The following SRGAP1 variants were observed in gnomAD, a reference collection of about 807,000 sequenced individuals.
The protein encoded by SRGAP1 is SLIT-ROBO Rho GTPase activating protein 1.
Under a neutral mutation model 121.9 loss-of-function variants are expected in SRGAP1, and 43 were observed. The ratio of observed to expected loss-of-function variants is 0.35; its 90% confidence interval spans 0.28 to 0.46. The LOEUF is 0.46. SRGAP1 is among the 20% of genes least tolerant of loss of function. The probability of loss-of-function intolerance (pLI) is 1.00; values close to 1 mark genes in which losing one functional copy is unlikely to be tolerated. For synonymous variants in SRGAP1, 447 were observed against 485.4 expected, an observed-to-expected ratio of 0.92 and a Z score of 1.04; for missense variants, 1,102 against 1,350.9, an observed-to-expected ratio of 0.82 and a Z score of 2.89.
rs1555231949 is a variant in SRGAP1 at position 63,858,202 on chromosome 12, G to GTC, written c.67+13320_67+13321insCT. On this transcript the variant is annotated intron_variant, in intron 1 of 21. Transcript: ENST00000355086. ...GTGTGTGGTGTGTGTGTGTGTGTGT[G>GTC]TGTCTGTCTGTCTGTATACACCGTT... Among the ~76,000 whole-genome samples the GTC allele has an allele frequency of 4.0e-4, 60 of 150,922 alleles. 2 individuals are homozygous for GTC. The highest frequency in any genetic ancestry group is 3.7e-3 in the Admixed American group (55 of 15,036).
chr12:63,847,604 G>C (rs1898943899), intron 1 of SRGAP1, among the ~76,000 whole-genome samples: 1 of 152,016 alleles, frequency 6.6e-6, no homozygotes, highest in South Asian at 2.1e-4. Context: ...AAATTAGCCG[G>C]ACATGGTGGT....
chr12:64,001,654 A>G lies in SRGAP1; in HGVS notation c.426+11582A>G, dbSNP rs148941041. ...TATTGAGGACATCTTAGATCATCCA[A>G]TTGCCAGCTGACCCCAGCTGATTGC... On this transcript the variant is annotated intron_variant, in intron 3 of 21. Transcript: ENST00000355086. 7.9e-5 allele frequency among the ~76,000 whole-genome samples: 12 copies of G among 152,318 alleles called. No homozygotes were observed. In the South Asian group the frequency reaches 8.3e-4, roughly 11 times the overall value.
At chr12:63,850,927 G>T (rs534943327) in intron 1 of SRGAP1, among the ~76,000 whole-genome samples, 123 of 152,198 alleles carry the variant, frequency 8.1e-4, no homozygotes, top group Non-Finnish European at 1.6e-3. Flanking sequence ...AGGCCGAGGC[G>T]GGTGGATTGC....
Position 63,947,425 on chromosome 12 carries a change from G to A in SRGAP1, c.68-36522G>A, listed in dbSNP as rs148271240. Among the ~76,000 whole-genome samples the A allele has an allele frequency of 9.2e-5, 14 of 152,208 alleles. No individual in the cohort carries two copies. The East Asian group carries it at 2.7e-3, about 29-fold the overall frequency. On this transcript the variant is annotated intron_variant, in intron 1 of 21. Coordinates refer to ENST00000355086, the MANE Select transcript of SRGAP1 (RefSeq NM_020762.4). ...TCTTATGTTTTCTTCTAAAAGTTTT[G>A]TGTTTTAGCTCTTACATTTATGTCT...
chr12:63,854,872 G>T (rs1899187219), intron 1 of SRGAP1, among the ~76,000 whole-genome samples: 1 of 152,182 alleles, frequency 6.6e-6, no homozygotes. Context: ...AGTTTCTCTA[G>T]GTGTACTTGC....
rs530578027 is a variant in SRGAP1, at chr12:63,882,745, C to T, written c.67+37862C>T. On this transcript the variant is annotated intron_variant, in intron 1 of 21. Coordinates refer to ENST00000355086, the MANE Select transcript of SRGAP1 (RefSeq NM_020762.4). Reference sequence around the variant, plus strand: ...TTATTTACAGACTGTTGGTTAAAATCAAGTAACTGCTTTGTAAATTAACTA... The same window carrying T: ...TTATTTACAGACTGTTGGTTAAAATTAAGTAACTGCTTTGTAAATTAACTA... 8.0e-3 allele frequency among the ~76,000 whole-genome samples: 1,217 copies of T among 152,228 alleles called. 20 individuals are homozygous for T. The highest frequency in any genetic ancestry group is 0.027 in the African/African-American group (1,131 of 41,538).
chr12:63,845,178 G>A (rs1481432145), intron 1 of SRGAP1, among the ~76,000 whole-genome samples: 1 of 152,188 alleles, frequency 6.6e-6, no homozygotes, highest in Non-Finnish European at 1.5e-5. Flanking sequence ...GGCAACTTAT[G>A]TGGGAAGCAG....
At chr12:63,981,859 T>A (rs1266481746) in intron 1 of SRGAP1, among the ~76,000 whole-genome samples, 1 of 152,182 alleles carries the variant, frequency 6.6e-6, no homozygotes, top group African/African-American at 2.4e-5. Context: ...GTTTCTTCTT[T>A]GCCGGTATGC....
intron 1 of SRGAP1, among the ~76,000 whole-genome samples, chr12:63,912,714 A>G (rs186657147): frequency 5.3e-5 from 8 of 152,144 alleles, no homozygotes; most frequent in Non-Finnish European, 1.2e-4. Context: ...AAATTTTTTT[A>G]AAAAAGAGAA....
intron 1 of SRGAP1, among the ~76,000 whole-genome samples, chr12:63,876,914 T>C (rs1056216289): frequency 6.6e-6 from 1 of 152,188 alleles, no homozygotes; most frequent in African/African-American, 2.4e-5. Context: ...CTCTTAAAGC[T>C]GCAATAATAT....
chr12:64,059,445 C>G (rs1317990249), intron 6 of SRGAP1, among the ~76,000 whole-genome samples: 1 of 151,808 alleles, frequency 6.6e-6, no homozygotes, highest in Non-Finnish European at 1.5e-5. Flanking sequence ...GAGGTGGAGG[C>G]TTTTCTCCTG....
intron 15 of SRGAP1, 77 bp from the exon 16 acceptor site, chr12:64,108,855 G>C: frequency 1.1e-6 from 1 of 947,462 alleles, no homozygotes; most frequent in Non-Finnish European, 1.6e-6. Context: ...ATGTGTACCG[G>C]TAATACATGT....
At chr12:64,079,205 G>A (rs952171386) in intron 9 of SRGAP1, 89 bp downstream of exon 9, 129 of 1,428,970 alleles carry the variant, frequency 9.0e-5, no homozygotes, top group Non-Finnish European at 1.2e-4. Context: ...AACCATCTGG[G>A]GTTCCTTTTG....
At chr12:64,093,592 T>C (rs1227169151) in intron 12 of SRGAP1, among the ~76,000 whole-genome samples, 2 of 152,188 alleles carry the variant, frequency 1.3e-5, no homozygotes, top group Non-Finnish European at 2.9e-5. Context: ...AAAACACTTA[T>C]ATCTTAAAGA....
chr12:63,857,760 C>T (rs1031046041), intron 1 of SRGAP1, among the ~76,000 whole-genome samples: 1 of 152,122 alleles, frequency 6.6e-6, no homozygotes, highest in African/African-American at 2.4e-5. Flanking sequence ...AAAAAAAACA[C>T]TCATTATTTA....
At chr12:63,946,804 A>G (rs1485615050) in intron 1 of SRGAP1, among the ~76,000 whole-genome samples, 1 of 151,970 alleles carries the variant, frequency 6.6e-6, no homozygotes, top group African/African-American at 2.4e-5. Flanking sequence ...TGGCCTCCCA[A>G]AGTTCTGGGA....
chr12:63,967,296 G>A (rs544308660), intron 1 of SRGAP1, among the ~76,000 whole-genome samples: 73 of 152,214 alleles, frequency 4.8e-4, no homozygotes, highest in Non-Finnish European at 1.3e-4. Context: ...AAAAAACTTA[G>A]CCACATGTGA....
At chr12:64,114,571 G>A (rs1410779227) in intron 17 of SRGAP1, among the ~76,000 whole-genome samples, 2 of 152,040 alleles carry the variant, frequency 1.3e-5, no homozygotes, top group Non-Finnish European at 1.5e-5. Context: ...GGCTGGTCTC[G>A]AGTTCCTGAC....
chr12:64,148,963 T>A lies in SRGAP1; in HGVS notation c.*6291T>A, dbSNP rs1010349502. On this transcript the variant is annotated 3_prime_UTR_variant, in exon 22 of 22. Coordinates refer to ENST00000355086, the MANE Select transcript of SRGAP1 (RefSeq NM_020762.4). ...TTTCTATAAATGGGTTCATACAGTA[T>A]GTAGATTTTGTGTCTGGCTCCTTTT... is the stretch of plus-strand genomic sequence containing the variant. The A allele has an allele frequency of 2.0e-5, 3 of 152,218 alleles. No homozygotes were observed. Among genetic ancestry groups the A allele is most frequent in the African/African-American group, 7.2e-5 (3 of 41,464 alleles). The allele number at this position is 152,218 out of a possible 1,614,324, so 9.4% of individuals were successfully genotyped here. A position where few individuals can be genotyped will look rare whatever the true frequency, so the allele number is the denominator to read the frequency against.
Sources: gnomAD v4.1 joint callset for allele counts (sites outside exome capture counted in the v4.1 genomes callset) on GRCh38, gnomAD v4.1.1 for gene constraint, MANE v1.5 for transcripts, NCBI Gene and HGNC (gene_info 2026-07-23, HGNC 2026-07-21) for gene names.